The following SLC25A25 variants were observed in gnomAD, a reference collection of about 807,000 sequenced individuals.
SLC25A25 encodes solute carrier family 25 member 25.
SLC25A25 carries 32 observed loss-of-function variants against 57.7 expected under a neutral mutation model. The observed-to-expected ratio is 0.55, with a 90% CI of 0.42 to 0.74. SLC25A25 has a LOEUF of 0.74. Among genes scored for constraint, SLC25A25 ranks in the 30% least tolerant of loss-of-function variants. The pLI is 0.00. For synonymous variants in SLC25A25, 306 were observed against 291.2 expected (o/e 1.05, Z -0.52); for missense variants, 556 against 701.3 (o/e 0.79, Z 2.34).
intron 1 of SLC25A25, among the ~76,000 whole-genome samples, chr9:128,090,466 G>A (rs1833376298): frequency 6.6e-6 from 1 of 151,790 alleles, no homozygotes; most frequent in Non-Finnish European, 1.5e-5. Flanking sequence ...CAAAGTGCTG[G>A]GATTATAGGC....
chr9:128,077,516 T>TAAAAAAAAAAAAAAAAAAAAAAAAAAA (rs567869070), intron 1 of SLC25A25, among the ~76,000 whole-genome samples: 2 of 100,326 alleles, frequency 2.0e-5, no homozygotes, highest in East Asian at 2.5e-4. Context: ...GACTCCGTCT[T>TAAAAAAAAAAAAAAAAAAAAAAAAAAA]AAAAAAAAAA....
At chr9:128,096,898 G>A (rs1311078095) in intron 1 of SLC25A25, among the ~76,000 whole-genome samples, 1 of 152,214 alleles carries the variant, frequency 6.6e-6, no homozygotes, top group African/African-American at 2.4e-5. Flanking sequence ...AATCCAGTGC[G>A]ACCTCATAGG....
chr9:128,098,741 G>A (rs868128003), intron 1 of SLC25A25: 12 of 1,612,380 alleles, frequency 7.4e-6, no homozygotes, highest in Non-Finnish European at 1.0e-5. Flanking sequence ...TGGGGTGACC[G>A]CGCGGAAGGG....
chr9:128,107,644 G>T lies in SLC25A25; in HGVS notation c.*200G>T, dbSNP rs1482131014. On this transcript the variant is annotated 3_prime_UTR_variant, in exon 11 of 11. Coordinates refer to ENST00000373069, the MANE Select transcript of SLC25A25 (RefSeq NM_001330988.2). ...CTGACCCCAGCAGACCCTCCTGTTG[G>T]TTCCAGCGAAGACCACAGGCATTCC... The T allele has an allele frequency of 1.3e-5, 7 of 520,372 alleles. No individual in the cohort carries two copies. Among genetic ancestry groups the T allele is most frequent in the Non-Finnish European group, 2.2e-5 (7 of 316,588 alleles). 32.2% of individuals were successfully genotyped at this position (520,372 alleles called of 1,614,324 possible). A position where few individuals can be genotyped will look rare whatever the true frequency, so the allele number is the denominator to read the frequency against.
At chr9:128,106,039 C>T in intron 7 of SLC25A25, 111 bp from the exon 8 acceptor site, 2 of 1,536,270 alleles carry the variant, frequency 1.3e-6, no homozygotes, top group South Asian at 1.2e-5. Context: ...CCACGAGTTC[C>T]TTACATTTCT....
chr9:128,093,230 C>CT (rs11440836), intron 1 of SLC25A25, among the ~76,000 whole-genome samples: 123,050 of 152,120 alleles, frequency 0.81, 50,071 homozygotes, highest in East Asian at 0.86. Flanking sequence ...CAGTGGGTCT[C>CT]TCAGAGACTG....
intron 1 of SLC25A25, among the ~76,000 whole-genome samples, chr9:128,080,381 C>G: frequency 7.0e-6 from 1 of 142,878 alleles, no homozygotes; most frequent in African/African-American, 2.6e-5. Context: ...AAAGAACCAA[C>G]TGTCTGTTAA....
chr9:128,071,437 C>T (rs1052981769), intron 1 of SLC25A25, among the ~76,000 whole-genome samples: 3 of 152,024 alleles, frequency 2.0e-5, no homozygotes, highest in Admixed American at 6.6e-5. Context: ...GATGGAGTTG[C>T]ACTTTTGTTG....
intron 8 of SLC25A25, 21 bp downstream of exon 8, chr9:128,106,278 T>TG: frequency 6.2e-7 from 1 of 1,609,718 alleles, no homozygotes; most frequent in Non-Finnish European, 8.5e-7. Flanking sequence ...GCCTGGGTCC[T>TG]GGGGCGGGCA....
At chr9:128,087,228 G>A (rs1024143066) in intron 1 of SLC25A25, among the ~76,000 whole-genome samples, 14 of 151,820 alleles carry the variant, frequency 9.2e-5, no homozygotes, top group African/African-American at 3.1e-4. Context: ...GTGAGCCACC[G>A]CGCCCGGCCC....
At chr9:128,075,835 C>T (rs970544717) in intron 1 of SLC25A25, among the ~76,000 whole-genome samples, 1 of 152,108 alleles carries the variant, frequency 6.6e-6, no homozygotes, top group Non-Finnish European at 1.5e-5. Flanking sequence ...CAGTGCGAGA[C>T]TCTGTCTCAA....
At chr9:128,091,534 C>T (rs1414541936) in intron 1 of SLC25A25, 3 of 995,948 alleles carry the variant, frequency 3.0e-6, no homozygotes, top group African/African-American at 1.8e-5. Flanking sequence ...TTGGCTGTCG[C>T]GTTTTCCTTT....
At chr9:128,086,560 C>T (rs764580372) in intron 1 of SLC25A25, among the ~76,000 whole-genome samples, 24 of 151,980 alleles carry the variant, frequency 1.6e-4, no homozygotes, top group Non-Finnish European at 2.8e-4. Context: ...CTCGAACTCC[C>T]GACCTCATGT....
chr9:128,079,922 CAG>C (rs1380268557), intron 1 of SLC25A25, among the ~76,000 whole-genome samples: 1 of 151,638 alleles, frequency 6.6e-6, no homozygotes, highest in African/African-American at 2.4e-5. Flanking sequence ...ACCTGGGAAA[CAG>C]AGGTTGCAGG....
rs962268737 is a variant in SLC25A25 at position 128,105,489 on chromosome 9, C to T, written c.784-240C>T. On this transcript the variant is annotated intron_variant, in intron 6 of 10. Coordinates refer to ENST00000373069, the MANE Select transcript of SLC25A25 (RefSeq NM_001330988.2). ...CCCAGCCTTGATTTTTTTTTTAAGT[C>T]ATCTTTATGGAGATGTTCAGGACAA... Among the ~76,000 whole-genome samples the T allele has an allele frequency of 2.0e-5, 3 of 151,858 alleles. No homozygotes were observed. The South Asian group carries it at 6.3e-4, about 32-fold the overall frequency.
chr9:128,107,140 T>C lies in SLC25A25; in HGVS notation c.1324T>C (p.Tyr442His). 6.2e-7 allele frequency: 1 copy of C among 1,613,988 alleles called. No individual in the cohort carries two copies. Among genetic ancestry groups the C allele is most frequent in the South Asian group, 1.1e-5 (1 of 91,090 alleles). The stretch of plus-strand genomic sequence containing the variant: ...CAGTACCTGTGGCCAGCTGGCCAGC[T>C]ACCCCCTGGCCCTAGTCAGGACCCG... Reference protein sequence around the residue: ...MSSTCGQLASYPLALVRTRMQ... With the variant: ...MSSTCGQLASHPLALVRTRMQ... The change falls in exon 10 of 11, where the codon TAC becomes CAC. Residue 442 changes from tyrosine to histidine, a missense_variant. Tyr to His is a moderately conservative substitution (Grantham distance 83). Around this residue, in one of 3 missense-constraint regions of SLC25A25, gnomAD observed 294 missense variants for 389.6 expected, o/e 0.75. Coordinates refer to ENST00000373069, the MANE Select transcript of SLC25A25 (RefSeq NM_001330988.2).
At chr9:128,076,899 G>T (rs10125888) in intron 1 of SLC25A25, among the ~76,000 whole-genome samples, 36,204 of 151,922 alleles carry the variant, frequency 0.24, 5,496 homozygotes, top group African/African-American at 0.43. Context: ...TAAGCTCTCC[G>T]GAAGCATCCT....
At chr9:128,071,257 T>G (rs917866149) in intron 1 of SLC25A25, among the ~76,000 whole-genome samples, 20 of 152,304 alleles carry the variant, frequency 1.3e-4, no homozygotes, top group Middle Eastern at 3.4e-3. Flanking sequence ...AAGAAAACTT[T>G]TATTAACCAA....
intron 1 of SLC25A25, among the ~76,000 whole-genome samples, chr9:128,075,763 G>A (rs1296042376): frequency 6.6e-6 from 1 of 152,012 alleles, no homozygotes; most frequent in African/African-American, 2.4e-5. Context: ...AGAATCACTT[G>A]AATCCAGGAG....
Sources: allele counts gnomAD v4.1 joint callset (sites outside exome capture counted in the v4.1 genomes callset), GRCh38; gene constraint gnomAD v4.1.1; regional missense constraint gnomAD v4.1.1; transcripts MANE v1.5; gene names NCBI Gene and HGNC (gene_info 2026-07-23, HGNC 2026-07-21).